Variants in MIPOL1 observed in about 807,000 individuals in gnomAD.
The protein encoded by MIPOL1 is mirror-image polydactyly 1, also known as mirror-image polydactyly gene 1 protein.
MIPOL1 carries 57 observed loss-of-function variants against 60.9 expected under a neutral mutation model. The observed-to-expected ratio is 0.94, with a 90% confidence interval of 0.76 to 1.17. The LOEUF (loss-of-function observed/expected upper bound fraction) is 1.17, where lower values mean the gene tolerates loss of function less well. Among genes scored for constraint, MIPOL1 ranks in the 50% most tolerant of loss-of-function variants. The pLI is 0.00. For synonymous variants in MIPOL1, 179 were observed against 168.8 expected, an observed-to-expected ratio of 1.06 and a Z score of -0.47; for missense variants, 551 against 511.6, an observed-to-expected ratio of 1.08 and a Z score of -0.74.
chr14:37,231,058 C>G (rs1205135424), intron 1 of MIPOL1, among the ~76,000 whole-genome samples: 1 of 152,010 alleles, frequency 6.6e-6, no homozygotes, highest in Non-Finnish European at 1.5e-5. Flanking sequence ...TGAGTCAGTA[C>G]TCTAATGACC....
intron 9 of MIPOL1, among the ~76,000 whole-genome samples, chr14:37,349,574 C>G (rs1437873680): frequency 2.0e-5 from 3 of 152,152 alleles, no homozygotes; most frequent in Non-Finnish European, 4.4e-5. Flanking sequence ...TTCAACCACT[C>G]CTTCCAAAGA....
intron 1 of MIPOL1, among the ~76,000 whole-genome samples, chr14:37,238,574 A>G (rs117501607): frequency 0.011 from 1,685 of 152,284 alleles, 8 homozygotes; most frequent in Non-Finnish European, 0.017. Context: ...ATGTCAGGTT[A>G]GTCATACAGC....
intron 1 of MIPOL1, among the ~76,000 whole-genome samples, chr14:37,204,405 A>T (rs1375888095): frequency 5.3e-5 from 8 of 152,134 alleles, no homozygotes; most frequent in Admixed American, 5.2e-4. Context: ...CCCCACGCAA[A>T]TCTCATCTTG....
At chr14:37,415,535 C>T (rs965266632) in intron 10 of MIPOL1, among the ~76,000 whole-genome samples, 3 of 147,746 alleles carry the variant, frequency 2.0e-5, no homozygotes, top group East Asian at 4.0e-4. Context: ...AGGCTGAGGC[C>T]GGAGAATGGC....
intron 12 of MIPOL1, among the ~76,000 whole-genome samples, chr14:37,521,576 A>T (rs2095413141): frequency 6.6e-6 from 1 of 152,044 alleles, no homozygotes; most frequent in African/African-American, 2.4e-5. Flanking sequence ...ATGGAAATTA[A>T]ACAAGTTACA....
Position 37,349,267 on chromosome 14 carries a change from C to T in MIPOL1, c.829-20250C>T, listed in dbSNP as rs568572746. Among the ~76,000 whole-genome samples, 8 of 152,220 alleles carry T rather than the reference C, an allele frequency of 5.3e-5. No homozygotes were observed. The South Asian group carries it at 1.7e-3, about 32-fold the overall frequency. The stretch of plus-strand genomic sequence containing the variant: ...CCTCCCAAAGTGCTGAGATAACGGG[C>T]GTGAGCCACTGCACCCGGCCACTGT... On this transcript the variant is annotated intron_variant, in intron 9 of 12. Coordinates refer to ENST00000684589, the MANE Select transcript of MIPOL1 (RefSeq NM_001388067.1).
At position 37,549,764 on chromosome 14, in the gene MIPOL1, T is replaced by C. The variant is rs1274864043; in HGVS notation, c.*2793T>C. ...TAAACAGCATCACATTATTACCACC[T>C]CTCTATGGTATTATAGTGGCAGTAT... On this transcript the variant is annotated 3_prime_UTR_variant, in exon 13 of 13. Coordinates refer to ENST00000684589, the MANE Select transcript of MIPOL1 (RefSeq NM_001388067.1). 2.0e-5 allele frequency: 3 copies of C among 151,978 alleles called. No individual in the cohort carries two copies. The highest frequency in any genetic ancestry group is 1.9e-4 in the East Asian group (1 of 5,198). The allele number at this position is 151,978 out of a possible 1,614,324, so 9.4% of individuals were successfully genotyped here. A position where few individuals can be genotyped will look rare whatever the true frequency, so the allele number is the denominator to read the frequency against.
chr14:37,399,395 T>G (rs1423773775), intron 10 of MIPOL1, among the ~76,000 whole-genome samples: 1 of 152,184 alleles, frequency 6.6e-6, no homozygotes, highest in Non-Finnish European at 1.5e-5. Context: ...TTCTGTACAG[T>G]GTACAGTATA....
At chr14:37,292,465 CTTTTTTTTTTT>C (rs34055899) in intron 7 of MIPOL1, among the ~76,000 whole-genome samples, 5 of 63,452 alleles carry the variant, frequency 7.9e-5, no homozygotes, top group African/African-American at 3.0e-4. Flanking sequence ...CCTTAATAAA[CTTTTTTTTTTT>C]TTTTTTTTTT....
Position 37,456,286 on chromosome 14 carries a change from A to G in MIPOL1, c.1031+33337A>G, listed in dbSNP as rs144679368. On this transcript the variant is annotated intron_variant, in intron 11 of 12. Transcript: ENST00000684589. Reference sequence around the variant, plus strand: ...TGAATAGTTAACAAGTCAGATACATATTCCTCAACCTAAATAAATGTTGCT... The same window carrying G: ...TGAATAGTTAACAAGTCAGATACATGTTCCTCAACCTAAATAAATGTTGCT... Among the ~76,000 whole-genome samples, 330 of 152,234 alleles carry G rather than the reference A, an allele frequency of 2.2e-3. 2 individuals are homozygous for G. The highest frequency in any genetic ancestry group is 3.9e-3 in the Non-Finnish European group (262 of 67,952).
chr14:37,299,591 C>G (rs1451849177), intron 7 of MIPOL1, among the ~76,000 whole-genome samples: 1 of 151,896 alleles, frequency 6.6e-6, no homozygotes, highest in Non-Finnish European at 1.5e-5. Flanking sequence ...ACTTGGAATT[C>G]CAATTTTTTA....
At position 37,550,495 on chromosome 14, in the gene MIPOL1, C is replaced by CATATATATATATATATATAT. The variant is rs3062723; in HGVS notation, c.*3543_*3544insTATATATATATATATATATA. 39 of 145,802 alleles carry CATATATATATATATATATAT rather than the reference C, an allele frequency of 2.7e-4. No individual in the cohort carries two copies. Among genetic ancestry groups the CATATATATATATATATATAT allele is most frequent in the African/African-American group, 9.6e-4 (38 of 39,760 alleles). 9.0% of individuals were successfully genotyped at this position (145,802 alleles called of 1,614,324 possible). A position where few individuals can be genotyped will look rare whatever the true frequency, so the allele number is the denominator to read the frequency against. ...AGCTAACCTATCTATTCATATTTTA[C>CATATATATATATATATATAT]ATATATATATATATATATACATGCA... is the stretch of plus-strand genomic sequence containing the variant. On this transcript the variant is annotated 3_prime_UTR_variant, in exon 13 of 13. Transcript: ENST00000684589.
intron 11 of MIPOL1, among the ~76,000 whole-genome samples, chr14:37,470,727 G>C (rs2094675558): frequency 6.6e-6 from 1 of 152,072 alleles, no homozygotes; most frequent in Non-Finnish European, 1.5e-5. Flanking sequence ...AGAGTAGGTA[G>C]AATGAGAAGA....
intron 3 of MIPOL1, among the ~76,000 whole-genome samples, chr14:37,260,545 T>C (rs2082451490): frequency 6.6e-6 from 1 of 152,158 alleles, no homozygotes; most frequent in Admixed American, 6.6e-5. Flanking sequence ...GGTAATTAAC[T>C]TGGTGGTGAT....
intron 9 of MIPOL1, among the ~76,000 whole-genome samples, chr14:37,356,281 C>T (rs1185325673): frequency 2.0e-5 from 3 of 151,590 alleles, no homozygotes; most frequent in South Asian, 2.1e-4. Flanking sequence ...TCTCCAGCTG[C>T]GTGCTGGGAG....
chr14:37,336,031 G>C (rs10135014), intron 9 of MIPOL1, among the ~76,000 whole-genome samples: 146,733 of 151,496 alleles, frequency 0.97, 71,136 homozygotes, highest in East Asian at 1. Context: ...GAGTTATTAG[G>C]TCTTATGTTT....
intron 9 of MIPOL1, among the ~76,000 whole-genome samples, chr14:37,349,985 A>T (rs766510727): frequency 2.6e-5 from 4 of 152,086 alleles, no homozygotes; most frequent in Non-Finnish European, 4.4e-5. Context: ...ATTTTTTTTT[A>T]AATCTGAATT....
chr14:37,448,975 C>G (rs1011951331), intron 11 of MIPOL1, among the ~76,000 whole-genome samples: 2 of 152,164 alleles, frequency 1.3e-5, no homozygotes, highest in African/African-American at 4.8e-5. Context: ...TTTTACACAA[C>G]TCTTCAAACA....
At chr14:37,475,678 G>A (rs988661232) in intron 11 of MIPOL1, among the ~76,000 whole-genome samples, 1 of 151,954 alleles carries the variant, frequency 6.6e-6, no homozygotes, top group Non-Finnish European at 1.5e-5. Context: ...GAAAAAAAAA[G>A]AAACTATTCT....
Sources: allele counts gnomAD v4.1 joint callset (sites outside exome capture counted in the v4.1 genomes callset), GRCh38; gene constraint gnomAD v4.1.1; transcripts MANE v1.5; gene names NCBI Gene and HGNC (gene_info 2026-07-23, HGNC 2026-07-21).